The following OSBPL9 variants were observed in gnomAD, a reference collection of about 807,000 sequenced individuals.
OSBPL9 encodes oxysterol-binding protein-related protein 9.
Under a neutral mutation model 106.6 loss-of-function variants are expected in OSBPL9, and 40 were observed. The observed-to-expected ratio is 0.38, with a 90% CI of 0.29 to 0.49. The LOEUF (loss-of-function observed/expected upper bound fraction) is 0.49. Among genes scored for constraint, OSBPL9 ranks in the 20% least tolerant of loss-of-function variants. OSBPL9 has a pLI of 0.97. For synonymous variants in OSBPL9, 269 were observed against 295.4 expected (o/e 0.91, Z 0.92); for missense variants, 609 against 887.2 (o/e 0.69, Z 3.98).
At chr1:51,533,312 T>C in the OSBPL9 span, among the ~76,000 whole-genome samples, 2 of 151,608 alleles carry the variant, frequency 1.3e-5, no homozygotes, top group African/African-American at 2.4e-5. Context: ...TGAAACCCCA[T>C]CTCTACTAAA....
chr1:51,619,660 C>A, intron 1 of OSBPL9, among the ~76,000 whole-genome samples: 1 of 151,726 alleles, frequency 6.6e-6, no homozygotes, highest in African/African-American at 2.4e-5. Context: ...AAAATGATAC[C>A]CAATCTCAAA....
At position 51,679,301 on chromosome 1, in the gene OSBPL9, T is replaced by C. The variant is rs765616795; in HGVS notation, c.241+9789T>C. Among the ~76,000 whole-genome samples, 119 of 152,346 alleles carry C rather than the reference T, an allele frequency of 7.8e-4. 1 individual carries two copies. Among genetic ancestry groups the C allele is most frequent in the Middle Eastern group, 3.4e-3 (1 of 294 alleles). On this transcript the variant is annotated intron_variant, in intron 3 of 23. Transcript: ENST00000428468. ...GCTAGCAAGGTTAGAGAGGATAGTTTTATTTTTTGTTAATAATTTTATTCC... is the reference window on the plus strand; with the variant it reads ...GCTAGCAAGGTTAGAGAGGATAGTTCTATTTTTTGTTAATAATTTTATTCC...
the OSBPL9 span, among the ~76,000 whole-genome samples, chr1:51,535,346 C>G: frequency 2.6e-5 from 4 of 152,144 alleles, no homozygotes; most frequent in South Asian, 8.3e-4. Flanking sequence ...CTGATCTAAG[C>G]CCCTCGTCTT....
chr1:51,669,696 G>T, intron 3 of OSBPL9, 184 bp downstream of exon 3: 6 of 632,284 alleles, frequency 9.5e-6, no homozygotes, highest in Non-Finnish European at 1.8e-5. Context: ...AATGGATGTA[G>T]ATCGATTTGA....
At chr1:51,745,678 A>G in intron 5 of OSBPL9, 47 bp downstream of exon 5, 1 of 1,427,358 alleles carries the variant, frequency 7.0e-7, no homozygotes, top group Non-Finnish European at 9.1e-7. Flanking sequence ...AGAAAATGTT[A>G]CTGAGCTTGA....
At chr1:51,539,883 A>G in the OSBPL9 span, among the ~76,000 whole-genome samples, 2 of 152,302 alleles carry the variant, frequency 1.3e-5, no homozygotes, top group East Asian at 1.9e-4. Context: ...ACTCCTTACC[A>G]AGGCCTAGAG....
the OSBPL9 span, among the ~76,000 whole-genome samples, chr1:51,556,215 T>C: frequency 0.084 from 12,848 of 152,276 alleles, 639 homozygotes; most frequent in African/African-American, 0.12. Context: ...TGTCACCCAA[T>C]AGACACTAGT....
At chr1:51,558,491 T>A in the OSBPL9 span, among the ~76,000 whole-genome samples, 1 of 152,128 alleles carries the variant, frequency 6.6e-6, no homozygotes, top group Admixed American at 6.6e-5. Context: ...GACTCTGCAT[T>A]CTGATGCAGA....
At chr1:51,542,168 C>T in the OSBPL9 span, among the ~76,000 whole-genome samples, 1 of 152,220 alleles carries the variant, frequency 6.6e-6, no homozygotes, top group Non-Finnish European at 1.5e-5. Context: ...GGATTACAGG[C>T]TTAAACCACT....
chr1:51,582,531 T>C (rs1016697730), intron 1 of OSBPL9, among the ~76,000 whole-genome samples: 1 of 152,136 alleles, frequency 6.6e-6, no homozygotes, highest in Non-Finnish European at 1.5e-5. Context: ...GGTTTCACCA[T>C]GTTGGCCAGG....
At chr1:51,772,031 C>T in intron 12 of OSBPL9, 39 bp from the exon 13 acceptor site, 1 of 1,505,890 alleles carries the variant, frequency 6.6e-7, no homozygotes. Flanking sequence ...TTCTAAATTG[C>T]TTTCTTTAGC....
intron 1 of OSBPL9, among the ~76,000 whole-genome samples, chr1:51,584,921 G>A (rs566968710): frequency 1.3e-5 from 2 of 152,124 alleles, no homozygotes; most frequent in East Asian, 3.9e-4. Flanking sequence ...GGAAAAGGTG[G>A]GCATTTGGGG....
chr1:51,615,587 T>G (rs1337853898), upstream of OSBPL9, among the ~76,000 whole-genome samples: 1 of 152,178 alleles, frequency 6.6e-6, no homozygotes, highest in Non-Finnish European at 1.5e-5. Flanking sequence ...ATCAGCAAAG[T>G]AATATTCTCT....
intron 7 of OSBPL9, among the ~76,000 whole-genome samples, chr1:51,749,040 G>A (rs1007368678): frequency 2.6e-5 from 4 of 151,770 alleles, no homozygotes; most frequent in Admixed American, 6.6e-5. Context: ...AGTTGAGATC[G>A]TGCCATTGCA....
At position 51,659,163 on chromosome 1, in the gene OSBPL9, C is replaced by T. The variant is rs189482090; in HGVS notation, c.162+7122C>T. Among the ~76,000 whole-genome samples the T allele has an allele frequency of 4.4e-4, 67 of 152,156 alleles. 2 individuals are homozygous for T. The highest frequency in any genetic ancestry group is 2.9e-5 in the Non-Finnish European group (2 of 67,950). ...GCTGGGAAACAGAATTAATATCAGA[C>T]ATAGAATACTAAGAAAAGAAATTAA... On this transcript the variant is annotated intron_variant, in intron 2 of 23. Transcript: ENST00000428468.
chr1:51,531,523 C>A, the OSBPL9 span, among the ~76,000 whole-genome samples: 2 of 152,096 alleles, frequency 1.3e-5, no homozygotes, highest in African/African-American at 4.8e-5. Context: ...AGAAAAGGAT[C>A]ACGGATGATG....
In OSBPL9 at chr1:51,583,960, C is replaced by T. The variant is rs1645234566; in HGVS notation, c.-423+6704C>T. On this transcript the variant is annotated intron_variant, in intron 1 of 25. Coordinates refer to the OSBPL9 transcript ENST00000371714. ...ACTTTTTCAACAGTCACTGCTGTCA[C>T]CATTAGCCCTCCCCCATACCTGAAC... Among the ~76,000 whole-genome samples the T allele has an allele frequency of 1.3e-5, 2 of 152,130 alleles. 1 individual carries two copies. Among genetic ancestry groups the T allele is most frequent in the South Asian group, 4.1e-4 (2 of 4,828 alleles).
chr1:51,744,541 G>A (rs1313041426), intron 4 of OSBPL9, among the ~76,000 whole-genome samples: 1 of 152,198 alleles, frequency 6.6e-6, no homozygotes, highest in Non-Finnish European at 1.5e-5. Flanking sequence ...TTACTAAAAT[G>A]AGAATGTGAA....
At chr1:51,723,975 C>G (rs1662627372) in intron 4 of OSBPL9, among the ~76,000 whole-genome samples, 1 of 152,098 alleles carries the variant, frequency 6.6e-6, no homozygotes, top group Admixed American at 6.5e-5. Flanking sequence ...TGGAGACAGT[C>G]TCGCTATGTC....
Sources: allele counts gnomAD v4.1 joint callset (sites outside exome capture counted in the v4.1 genomes callset), GRCh38; gene constraint gnomAD v4.1.1; transcripts MANE v1.5; gene names NCBI Gene and HGNC (gene_info 2026-07-23, HGNC 2026-07-21).